SPAG1: variants seen among roughly 807,000 people sequenced by gnomAD.
SPAG1 encodes the protein sperm-associated antigen 1.
In SPAG1, 69 loss-of-function variants were observed where a neutral mutation model predicts 100.5. That is an observed-to-expected ratio of 0.69 (90% CI 0.57 to 0.84). SPAG1 has a LOEUF of 0.84. Among genes scored for constraint, SPAG1 ranks in the 40% least tolerant of loss-of-function variants. The pLI, the probability that SPAG1 is intolerant of heterozygous loss-of-function variation, is 0.00. For missense variants in SPAG1, 955 were observed against 1,133.1 expected (o/e 0.84, Z 2.26); for synonymous variants, 336 against 411.6 (o/e 0.82, Z 2.22).
At chr8:100,211,195 T>C (rs552002381) in intron 10 of SPAG1, among the ~76,000 whole-genome samples, 2 of 152,176 alleles carry the variant, frequency 1.3e-5, no homozygotes, top group African/African-American at 4.8e-5. Flanking sequence ...GATCTACATG[T>C]AGAGCCACCC....
At chr8:100,174,247 C>G (rs762599016) in intron 3 of SPAG1, among the ~76,000 whole-genome samples, 3 of 152,058 alleles carry the variant, frequency 2.0e-5, no homozygotes, top group Non-Finnish European at 4.4e-5. Flanking sequence ...AGATTATATA[C>G]TGTATTCTTA....
chr8:100,207,769 T>A (rs1369819784), intron 10 of SPAG1, among the ~76,000 whole-genome samples: 5 of 152,218 alleles, frequency 3.3e-5, no homozygotes, highest in Admixed American at 2.6e-4. Flanking sequence ...GCACTCACTT[T>A]ATGGCTAAAG....
intron 3 of SPAG1, among the ~76,000 whole-genome samples, chr8:100,177,418 A>G (rs1253003003): frequency 1.3e-5 from 2 of 151,462 alleles, no homozygotes; most frequent in Non-Finnish European, 2.9e-5. Context: ...CTGCATCTTC[A>G]TGTCTTTTTT....
intron 4 of SPAG1, among the ~76,000 whole-genome samples, chr8:100,179,607 C>T (rs537401240): frequency 1.4e-3 from 214 of 152,296 alleles, no homozygotes; most frequent in African/African-American, 5.0e-3. Context: ...GTCCTTGTCA[C>T]TGTGTTGGTA....
chr8:100,198,230 G>T (rs1443210158), intron 10 of SPAG1, among the ~76,000 whole-genome samples: 3 of 152,044 alleles, frequency 2.0e-5, no homozygotes, highest in Non-Finnish European at 4.4e-5. Context: ...GCTAGAACTG[G>T]CAGGATCAGG....
intron 10 of SPAG1, among the ~76,000 whole-genome samples, chr8:100,209,061 C>T (rs1349801459): frequency 6.6e-6 from 1 of 152,042 alleles, no homozygotes; most frequent in Non-Finnish European, 1.5e-5. Flanking sequence ...CTGGTGGGCA[C>T]ACTCTAATCA....
In SPAG1 at chr8:100,231,316, C is replaced by G. The variant is rs770947088; in HGVS notation, c.1988+28C>G. 4 of 1,372,642 alleles carry G rather than the reference C, an allele frequency of 2.9e-6. No individual in the cohort carries two copies. The South Asian group carries it at 5.8e-5, about 20-fold the overall frequency. The allele number at this position is 1,372,642 out of a possible 1,614,324, so 85.0% of individuals were successfully genotyped here. ...AAGTTCTTTGTAACTTTATATATTT[C>G]TTATGTTAATAGTTTTGATTATTAA... On this transcript the variant is annotated intron_variant, in intron 15 of 18. Transcript: ENST00000388798.
chr8:100,172,016 T>A (rs1420571608), intron 3 of SPAG1, among the ~76,000 whole-genome samples: 2 of 152,092 alleles, frequency 1.3e-5, no homozygotes, highest in Admixed American at 1.3e-4. Flanking sequence ...CGCCTCAGCC[T>A]CCCGAGAAGC....
At chr8:100,208,858 A>G (rs1019373612) in intron 10 of SPAG1, among the ~76,000 whole-genome samples, 1 of 152,162 alleles carries the variant, frequency 6.6e-6, no homozygotes, top group African/African-American at 2.4e-5. Context: ...TCTTTATTTG[A>G]AGATTATGTA....
intron 8 of SPAG1, among the ~76,000 whole-genome samples, chr8:100,190,261 C>T (rs572965116): frequency 2.0e-5 from 3 of 148,900 alleles, no homozygotes; most frequent in African/African-American, 7.4e-5. Flanking sequence ...TGCAGTGAGC[C>T]GAGATTGTGC....
chr8:100,164,568 G>A (rs1010573247), intron 2 of SPAG1, among the ~76,000 whole-genome samples: 4 of 152,058 alleles, frequency 2.6e-5, no homozygotes, highest in African/African-American at 9.7e-5. Flanking sequence ...GGGATTACAG[G>A]TGCCTGCCAC....
At chr8:100,208,616 T>A (rs1387202856) in intron 10 of SPAG1, among the ~76,000 whole-genome samples, 1 of 152,280 alleles carries the variant, frequency 6.6e-6, no homozygotes, top group Non-Finnish European at 1.5e-5. Flanking sequence ...GTAATTGTCA[T>A]GAGTATTTTC....
intron 8 of SPAG1, among the ~76,000 whole-genome samples, chr8:100,190,663 C>CTTTTTTTTTTTTTTTTTTTTTTTT (rs758612610): frequency 8.9e-6 from 1 of 111,802 alleles, no homozygotes; most frequent in Non-Finnish European, 1.8e-5. Context: ...CTTTTTTTTT[C>CTTTTTTTTTTTTTTTTTTTTTTTT]TTTTTTTTTT....
chr8:100,217,769 T>C (rs1818072162), intron 12 of SPAG1, among the ~76,000 whole-genome samples: 1 of 152,064 alleles, frequency 6.6e-6, no homozygotes, highest in Non-Finnish European at 1.5e-5. Context: ...AATTCTCTCC[T>C]TTTTCGTTTT....
chr8:100,235,108 GC>G (rs1818944619), intron 16 of SPAG1, among the ~76,000 whole-genome samples: 2 of 152,160 alleles, frequency 1.3e-5, no homozygotes, highest in African/African-American at 4.8e-5. Flanking sequence ...GTCTCAGCTT[GC>G]GGTGTTAATA....
rs1354232918 is a variant in SPAG1, at chr8:100,170,836, TA to T, written c.300+4864del. On this transcript the variant is annotated intron_variant, in intron 3 of 18. Coordinates refer to ENST00000388798, the MANE Select transcript of SPAG1 (RefSeq NM_003114.5). ...TTATTTATTTATTTATTTATTTATTTATTTATTTATTTATTTTTTACTTGCT... is the reference window on the plus strand; with the variant it reads ...TTATTTATTTATTTATTTATTTATTTTTTATTTATTTATTTTTTACTTGCT... 2.7e-3 allele frequency among the ~76,000 whole-genome samples: 221 copies of T among 81,498 alleles called. 1 individual carries two copies. Among genetic ancestry groups the T allele is most frequent in the African/African-American group, 6.2e-3 (203 of 32,596 alleles). The allele number at this position is 81,498 out of a possible 152,430, so 53.5% of individuals were successfully genotyped here.
intron 3 of SPAG1, among the ~76,000 whole-genome samples, chr8:100,174,436 A>C (rs1485861156): frequency 6.6e-6 from 1 of 152,204 alleles, no homozygotes; most frequent in Non-Finnish European, 1.5e-5. Flanking sequence ...TGCTGTCTCA[A>C]GGGTAGCAGA....
At chr8:100,215,207 A>G (rs558060073) in intron 12 of SPAG1, among the ~76,000 whole-genome samples, 1 of 151,412 alleles carries the variant, frequency 6.6e-6, no homozygotes, top group South Asian at 2.1e-4. Flanking sequence ...CCTCTGAGGA[A>G]CCCTGTCTTA....
Position 100,240,970 on chromosome 8 carries a change from A to G in SPAG1, c.2729A>G (p.Asn910Ser). The G allele has an allele frequency of 6.2e-7, 1 of 1,613,634 alleles. No homozygotes were observed. The highest frequency in any genetic ancestry group is 8.5e-7 in the Non-Finnish European group (1 of 1,179,794). ...LFEDLSDTPNNHFTLEDIQAL... is the reference protein window; with the variant it reads ...LFEDLSDTPNSHFTLEDIQAL... ...GAGGACCTTTCGGACACACCAAACA[A>G]CCATTTTACTTTAGAAGATATACAG... Residue 910 changes from asparagine to serine, a missense_variant, in exon 19 of 19, where the codon AAC (asparagine) becomes AGC (serine). Asn to Ser is a conservative substitution (Grantham distance 46, BLOSUM62 1). Transcript: ENST00000388798.
Sources: gnomAD v4.1 joint callset for allele counts (sites outside exome capture counted in the v4.1 genomes callset) on GRCh38, gnomAD v4.1.1 for gene constraint, MANE v1.5 for transcripts, NCBI Gene and HGNC (gene_info 2026-07-23, HGNC 2026-07-21) for gene names.